WWOX: variants seen among roughly 807,000 people sequenced by gnomAD.
The protein encoded by WWOX is WW domain-containing oxidoreductase.
WWOX carries 69 observed loss-of-function variants against 46.2 expected under a neutral mutation model. The ratio of observed to expected loss-of-function variants is 1.49; its 90% CI spans 1.23 to 1.82. WWOX has a LOEUF of 1.82. Ranked by LOEUF, WWOX falls within the 40% of genes most tolerant of loss-of-function variation. The probability of loss-of-function intolerance (pLI) is 0.00; values close to 1 mark genes in which losing one functional copy is unlikely to be tolerated. For synonymous variants in WWOX, 359 were observed against 202.6 expected, an observed-to-expected ratio of 1.77 and a Z score of -6.56; for missense variants, 919 against 542.6, an observed-to-expected ratio of 1.69 and a Z score of -6.89.
At chr16:79,127,534 C>T (rs1330962549) in intron 8 of WWOX, among the ~76,000 whole-genome samples, 3 of 152,126 alleles carry the variant, frequency 2.0e-5, no homozygotes, top group African/African-American at 7.2e-5. Context: ...TTGGGTTGTT[C>T]CCAGCCTTTT....
At chr16:78,635,414 C>T (rs1037646490) in intron 8 of WWOX, among the ~76,000 whole-genome samples, 18 of 151,978 alleles carry the variant, frequency 1.2e-4, no homozygotes, top group Non-Finnish European at 2.1e-4. Context: ...ACTAGGGGAG[C>T]GCTAATGTGT....
chr16:78,875,533 T>C (rs531806772), intron 8 of WWOX, among the ~76,000 whole-genome samples: 2 of 152,320 alleles, frequency 1.3e-5, no homozygotes, highest in South Asian at 4.1e-4. Context: ...TGTTTTTCCT[T>C]CTGTCTGTTC....
intron 4 of WWOX, among the ~76,000 whole-genome samples, chr16:78,136,928 C>T (rs2033812817): frequency 6.6e-6 from 1 of 152,202 alleles, no homozygotes. Context: ...AGACCCCATT[C>T]ATGCAGCATG....
At chr16:78,692,689 G>C (rs117051286) in intron 8 of WWOX, among the ~76,000 whole-genome samples, 75 of 152,282 alleles carry the variant, frequency 4.9e-4, no homozygotes, top group Admixed American at 9.8e-4. Flanking sequence ...CCCATAAATA[G>C]GTTGTTTATG....
chr16:78,755,061 A>C (rs2142466412), intron 8 of WWOX, among the ~76,000 whole-genome samples: 1 of 151,086 alleles, frequency 6.6e-6, no homozygotes, highest in South Asian at 2.1e-4. Flanking sequence ...GGTAGGGGGA[A>C]AGGGGAGGGA....
intron 5 of WWOX, among the ~76,000 whole-genome samples, chr16:78,199,967 G>T (rs2036182560): frequency 6.6e-6 from 1 of 152,218 alleles, no homozygotes; most frequent in Non-Finnish European, 1.5e-5. Flanking sequence ...TTTATGTATG[G>T]AGCCACAAAG....
intron 5 of WWOX, among the ~76,000 whole-genome samples, chr16:78,352,768 A>G (rs1298634133): frequency 6.7e-6 from 1 of 149,720 alleles, no homozygotes; most frequent in Non-Finnish European, 1.5e-5. Context: ...CCTATAATGT[A>G]TATGCTTCTT....
At chr16:78,663,027 C>T (rs1331502487) in intron 8 of WWOX, among the ~76,000 whole-genome samples, 2 of 152,150 alleles carry the variant, frequency 1.3e-5, no homozygotes, top group African/African-American at 4.8e-5. Flanking sequence ...CTGCAATAGT[C>T]TCCCTTTAAA....
intron 8 of WWOX, among the ~76,000 whole-genome samples, chr16:78,811,570 C>A (rs2051189823): frequency 6.6e-6 from 1 of 151,540 alleles, no homozygotes; most frequent in African/African-American, 2.4e-5. Context: ...GGGGTTTCAC[C>A]ATGTTGGCCA....
intron 8 of WWOX, among the ~76,000 whole-genome samples, chr16:78,501,715 T>G (rs560940562): frequency 1.3e-5 from 2 of 152,174 alleles, no homozygotes; most frequent in South Asian, 2.1e-4. Flanking sequence ...TTTTGTACTT[T>G]TATTAGAGAC....
At chr16:78,850,757 A>C (rs1253093617) in intron 8 of WWOX, among the ~76,000 whole-genome samples, 3 of 152,176 alleles carry the variant, frequency 2.0e-5, no homozygotes, top group Admixed American at 2.0e-4. Flanking sequence ...AAAAGAACCC[A>C]ATCTTATTGG....
At chr16:78,541,046 T>C (rs2043879959) in intron 8 of WWOX, among the ~76,000 whole-genome samples, 1 of 152,132 alleles carries the variant, frequency 6.6e-6, no homozygotes, top group Admixed American at 6.5e-5. Context: ...GTAGATACAA[T>C]TAATTTAGAT....
intron 5 of WWOX, among the ~76,000 whole-genome samples, chr16:78,242,083 C>T (rs561529451): frequency 8.5e-5 from 13 of 152,254 alleles, no homozygotes; most frequent in Admixed American, 1.3e-4. Context: ...TTAGCCTTGC[C>T]GCCCTGCAGA....
chr16:79,034,245 A>G (rs2047822252), intron 8 of WWOX, among the ~76,000 whole-genome samples: 1 of 152,236 alleles, frequency 6.6e-6, no homozygotes, highest in South Asian at 2.1e-4. Flanking sequence ...CAATGTAAAA[A>G]TAGTTCACTG....
At chr16:79,165,080 C>G (rs1356711884) in intron 8 of WWOX, among the ~76,000 whole-genome samples, 2 of 151,638 alleles carry the variant, frequency 1.3e-5, no homozygotes, top group African/African-American at 2.4e-5. Context: ...ATCACTTATC[C>G]TACGTTCCAT....
At chr16:78,818,632 G>C (rs1018565940) in intron 8 of WWOX, among the ~76,000 whole-genome samples, 1 of 152,222 alleles carries the variant, frequency 6.6e-6, no homozygotes, top group Admixed American at 6.5e-5. Flanking sequence ...TCAGGAGACT[G>C]AGGCAGGAGG....
intron 8 of WWOX, among the ~76,000 whole-genome samples, chr16:79,120,980 G>C (rs2049618713): frequency 2.0e-5 from 3 of 152,100 alleles, no homozygotes; most frequent in Admixed American, 1.3e-4. Flanking sequence ...TGTTGGCCAG[G>C]CTGGTTTCGA....
intron 8 of WWOX, among the ~76,000 whole-genome samples, chr16:78,820,120 C>T (rs528812969): frequency 2.6e-5 from 4 of 152,100 alleles, no homozygotes; most frequent in Non-Finnish European, 5.9e-5. Flanking sequence ...GCCTGGCACT[C>T]TAGTAGGCTC....
intron 8 of WWOX, among the ~76,000 whole-genome samples, chr16:79,178,895 C>T (rs756408431): frequency 9.2e-5 from 14 of 152,264 alleles, no homozygotes; most frequent in Non-Finnish European, 1.9e-4. Context: ...CATGGTGGCA[C>T]AGAGAGCTGT....
Sources: allele counts gnomAD v4.1 joint callset (sites outside exome capture counted in the v4.1 genomes callset), GRCh38; gene constraint gnomAD v4.1.1; transcripts MANE v1.5; gene names NCBI Gene and HGNC (gene_info 2026-07-23, HGNC 2026-07-21).